Variants in DUSP12 observed in about 807,000 individuals in gnomAD.
DUSP12 encodes the protein dual specificity phosphatase 12, also known as dual specificity protein phosphatase 12.
DUSP12 carries 25 observed loss-of-function variants against 38.9 expected under a neutral mutation model. The observed-to-expected ratio is 0.64, with a 90% CI of 0.47 to 0.90. The LOEUF (loss-of-function observed/expected upper bound fraction) is 0.90, where lower values mean the gene tolerates loss of function less well. DUSP12 is among the 40% of genes least tolerant of loss of function. DUSP12 has a pLI of 0.00. For synonymous variants in DUSP12, 153 were observed against 153.9 expected (o/e 0.99, Z 0.05); for missense variants, 403 against 427.0 (o/e 0.94, Z 0.50).
Position 161,756,056 on chromosome 1 carries a change from A to C in DUSP12, c.862-730A>C, listed in dbSNP as rs544795861. 3.3e-5 allele frequency among the ~76,000 whole-genome samples: 5 copies of C among 152,254 alleles called. No individual in the cohort carries two copies. The East Asian group carries it at 7.7e-4, about 24-fold the overall frequency. On this transcript the variant is annotated intron_variant, in intron 5 of 5. Coordinates refer to ENST00000367943, the MANE Select transcript of DUSP12 (RefSeq NM_007240.3). ...TTTTTAGTAGAGACGGGGTTTCACC[A>C]TGTTGACCAGGCTGGTCTCAAACTC...
Position 161,757,118 on chromosome 1 carries a change from T to C in DUSP12, c.*171T>C, listed in dbSNP as rs917055577. The C allele has an allele frequency of 9.0e-6, 5 of 558,394 alleles. No homozygotes were observed. The highest frequency in any genetic ancestry group is 1.5e-5 in the Non-Finnish European group (5 of 326,664). The allele number at this position is 558,394 out of a possible 1,614,324, so 34.6% of individuals were successfully genotyped here. On this transcript the variant is annotated 3_prime_UTR_variant, in exon 6 of 6. Transcript: ENST00000367943. ...GCTTTACATGGCAATCAAAGCCTTTTGATCATGTACATTTTATTTGATATT... is the reference window on the plus strand; with the variant it reads ...GCTTTACATGGCAATCAAAGCCTTTCGATCATGTACATTTTATTTGATATT...
chr1:161,756,711 A>G (rs1195675145), intron 5 of DUSP12, 75 bp from the exon 6 acceptor site: 9 of 1,544,138 alleles, frequency 5.8e-6, no homozygotes, highest in Non-Finnish European at 7.9e-6. Context: ...TTTATATCCT[A>G]TATTGATTGC....
chr1:161,753,204 T>C lies in DUSP12; in HGVS notation c.804T>C (p.Tyr268=). The C allele has an allele frequency of 1.2e-6, 2 of 1,614,110 alleles. No homozygotes were observed. The highest frequency in any genetic ancestry group is 1.7e-6 in the Non-Finnish European group (2 of 1,179,964). Residue 268 remains tyrosine (Y), a synonymous_variant, in exon 5 of 6, where the codon TAT becomes TAC. Coordinates refer to ENST00000367943, the MANE Select transcript of DUSP12 (RefSeq NM_007240.3). ...GGAGGCAAGCTCAATGTACATCTTA[T>C]TTCATTGAACCTGTACAGTGGATGG... is the stretch of plus-strand genomic sequence containing the variant. ...TTGRQAQCTS[Y]FIEPVQWMES...
chr1:161,753,720 TAAG>T (rs1366402243), intron 5 of DUSP12, among the ~76,000 whole-genome samples: 1 of 141,716 alleles, frequency 7.1e-6, no homozygotes, highest in African/African-American at 2.5e-5. Context: ...AAATTTTTAA[TAAG>T]AAAAAAAGAA....
At chr1:161,754,807 C>T (rs1342043428) in intron 5 of DUSP12, among the ~76,000 whole-genome samples, 1 of 152,152 alleles carries the variant, frequency 6.6e-6, no homozygotes, top group Admixed American at 6.6e-5. Flanking sequence ...AACCGTATCA[C>T]ATCACAATTC....
At position 161,757,104 on chromosome 1, in the gene DUSP12, C is replaced by A; in HGVS notation, c.*157C>A. The A allele has an allele frequency of 1.6e-6, 1 of 621,820 alleles. No individual in the cohort carries two copies. The highest frequency in any genetic ancestry group is 2.7e-6 in the Non-Finnish European group (1 of 377,160). The allele number at this position is 621,820 out of a possible 1,614,324, so 38.5% of individuals were successfully genotyped here. A position where few individuals can be genotyped will look rare whatever the true frequency, so the allele number is the denominator to read the frequency against. ...AACCTGGAAACTATGCTTTACATGG[C>A]AATCAAAGCCTTTTGATCATGTACA... On this transcript the variant is annotated 3_prime_UTR_variant, in exon 6 of 6. Coordinates refer to ENST00000367943, the MANE Select transcript of DUSP12 (RefSeq NM_007240.3).
chr1:161,750,264 C>A, intron 1 of DUSP12, 119 bp downstream of exon 1: 1 of 1,050,796 alleles, frequency 9.5e-7, no homozygotes, highest in Non-Finnish European at 1.4e-6. Flanking sequence ...TGAACCTCCT[C>A]CCGCTGCCTC....
chr1:161,756,654 A>T, intron 5 of DUSP12, 132 bp from the exon 6 acceptor site: 1 of 966,554 alleles, frequency 1.0e-6, no homozygotes. Context: ...AATGCATTTT[A>T]TCTCACTGAT....
Position 161,750,105 on chromosome 1 carries a change from G to T in DUSP12, c.304G>T (p.Gly102Cys), listed in dbSNP as rs760308393. ...TCTGGACCGGTGCGTGGCCTTCATC[G>T]GTCAGGCCCGCGCTGAGGGCCGTGC... ...SHLDRCVAFI[G>C]QARAEGRAVL... The change falls in exon 1 of 6, where the codon GGT becomes TGT. Residue 102 changes from glycine (G) to cysteine (C), a missense_variant. Gly to Cys is a radical substitution (Grantham distance 159). Coordinates refer to ENST00000367943, the MANE Select transcript of DUSP12 (RefSeq NM_007240.3). 1 of 1,613,842 alleles carries T rather than the reference G, an allele frequency of 6.2e-7. No individual in the cohort carries two copies. Among genetic ancestry groups the T allele is most frequent in the East Asian group, 2.2e-5 (1 of 44,858 alleles).
At chr1:161,755,574 A>G (rs567745373) in intron 5 of DUSP12, among the ~76,000 whole-genome samples, 48 of 152,190 alleles carry the variant, frequency 3.2e-4, no homozygotes, top group Non-Finnish European at 5.7e-4. Context: ...TTTAATTGGA[A>G]TTTTATGAAA....
chr1:161,753,334 T>G, intron 5 of DUSP12, 73 bp downstream of exon 5: 3 of 1,237,020 alleles, frequency 2.4e-6, no homozygotes, highest in Non-Finnish European at 3.3e-6. Flanking sequence ...TTTTAAGCTC[T>G]ATTTTAACTA....
Position 161,749,870 on chromosome 1 carries a change from T to C in DUSP12, c.69T>C (p.Cys23=), listed in dbSNP as rs1044564131. 1.2e-6 allele frequency: 2 copies of C among 1,610,786 alleles called. No homozygotes were observed. Among genetic ancestry groups the C allele is most frequent in the African/African-American group, 2.7e-5 (2 of 74,824 alleles). The change falls in exon 1 of 6, where the codon TGT becomes TGC. Residue 23 remains cysteine, a synonymous_variant. Coordinates refer to ENST00000367943, the MANE Select transcript of DUSP12 (RefSeq NM_007240.3). ...LSNPSASRVS[C]AGQMLEVQPG... ...ACCCCAGCGCCAGCAGAGTCAGCTG[T>C]GCCGGGCAGATGCTGGAAGTGCAGC...
chr1:161,753,304 A>G (rs1557943703), intron 5 of DUSP12, 43 bp downstream of exon 5: 2 of 1,444,590 alleles, frequency 1.4e-6, no homozygotes, highest in South Asian at 3.0e-5. Context: ...TTTATGATCT[A>G]TATTTTATTC....
Position 161,751,778 on chromosome 1 carries a change from C to A in DUSP12, c.455C>A (p.Ala152Asp), listed in dbSNP as rs754736159. ...YEKLQILKPE[A>D]KMNEGFEWQL... ...AAGCTCCAGATTCTCAAACCAGAGGCTAAGTGGGTTCTTTTTTTATAGTAA... is the reference window on the plus strand; with the variant it reads ...AAGCTCCAGATTCTCAAACCAGAGGATAAGTGGGTTCTTTTTTTATAGTAA... The change falls in exon 2 of 6, where the codon GCT (alanine) becomes GAT (aspartate). Residue 152 changes from alanine to aspartate, a missense_variant. Transcript: ENST00000367943. The A allele has an allele frequency of 6.2e-7, 1 of 1,609,276 alleles. No homozygotes were observed. The highest frequency in any genetic ancestry group is 2.2e-5 in the East Asian group (1 of 44,852).
rs371298103 is a variant in DUSP12 at position 161,751,966 on chromosome 1, G to T, written c.559G>T (p.Val187Phe). The change falls in exon 3 of 6, where the codon GTT becomes TTT. Residue 187 changes from valine to phenylalanine, a missense_variant. By Grantham distance (50) the Val-to-Phe change is conservative. Transcript: ENST00000367943. ...AIYKQYRLQK[V>F]TEKYPELQNL... Reference sequence around the variant, plus strand: ...TTATAAGCAATATCGTTTACAAAAGGTTACAGAGAAGTATCCAGGTAAGTA... The same window carrying T: ...TTATAAGCAATATCGTTTACAAAAGTTTACAGAGAAGTATCCAGGTAAGTA... The T allele has an allele frequency of 2.5e-6, 4 of 1,609,194 alleles. No individual in the cohort carries two copies. The East Asian group carries it at 6.7e-5, about 27-fold the overall frequency.
chr1:161,751,276 G>A (rs139859802), intron 1 of DUSP12: 93 of 162,600 alleles, frequency 5.7e-4, no homozygotes, highest in African/African-American at 2.0e-3. Flanking sequence ...CTAATTTTTT[G>A]TAGAGGTGGG....
Position 161,749,815 on chromosome 1 carries a change from C to A in DUSP12, c.14C>A (p.Pro5Gln), listed in dbSNP as rs188951859. The A allele has an allele frequency of 5.1e-6, 8 of 1,579,442 alleles. No homozygotes were observed. The highest frequency in any genetic ancestry group is 2.7e-5 in the African/African-American group (2 of 74,120). The change falls in exon 1 of 6, where the codon CCG becomes CAG. Residue 5 changes from proline to glutamine, a missense_variant. Coordinates refer to ENST00000367943, the MANE Select transcript of DUSP12 (RefSeq NM_007240.3). MLEA[P>Q]GPSDGCELSN... Reference sequence around the variant, plus strand: ...CTGGGCGCGGCCATGTTGGAGGCTCCGGGCCCGAGTGATGGCTGCGAGCTC... The same window carrying A: ...CTGGGCGCGGCCATGTTGGAGGCTCAGGGCCCGAGTGATGGCTGCGAGCTC...
intron 5 of DUSP12, among the ~76,000 whole-genome samples, chr1:161,753,752 C>T (rs916240332): frequency 7.1e-6 from 1 of 141,744 alleles, no homozygotes; most frequent in African/African-American, 2.5e-5. Flanking sequence ...ATGTATTAAA[C>T]AAAATTTGAA....
rs10527814 is a variant in DUSP12, at chr1:161,756,483, C to CTATATATATATATATATA, written c.862-283_862-266dup. Among the ~76,000 whole-genome samples the CTATATATATATATATATA allele has an allele frequency of 2.8e-4, 35 of 124,730 alleles. 2 individuals are homozygous for CTATATATATATATATATA. Among genetic ancestry groups the CTATATATATATATATATA allele is most frequent in the Non-Finnish European group, 4.3e-4 (25 of 57,948 alleles). 81.8% of individuals were successfully genotyped at this position (124,730 alleles called of 152,430 possible). On this transcript the variant is annotated intron_variant, in intron 5 of 5. Coordinates refer to ENST00000367943, the MANE Select transcript of DUSP12 (RefSeq NM_007240.3). ...CCTAAATTACAAACTGATTTAAAAG[C>CTATATATATATATATATA]TATATATATATATATATATATATAT...
Sources: allele counts gnomAD v4.1 joint callset (sites outside exome capture counted in the v4.1 genomes callset), GRCh38; gene constraint gnomAD v4.1.1; transcripts MANE v1.5; gene names NCBI Gene and HGNC (gene_info 2026-07-23, HGNC 2026-07-21).